The following NEDD4L variants were observed in gnomAD, a reference collection of about 807,000 sequenced individuals.
NEDD4L encodes the protein E3 ubiquitin-protein ligase NEDD4-like.
NEDD4L carries 54 observed loss-of-function variants against 148.9 expected under a neutral mutation model. The ratio of observed to expected loss-of-function variants is 0.36; its 90% confidence interval spans 0.29 to 0.45. The LOEUF (loss-of-function observed/expected upper bound fraction) is 0.45, where lower values mean the gene tolerates loss of function less well. Among genes scored for constraint, NEDD4L ranks in the 20% least tolerant of loss-of-function variants. The probability of loss-of-function intolerance (pLI) is 1.00; values close to 1 mark genes in which losing one functional copy is unlikely to be tolerated. For missense variants in NEDD4L, 856 were observed against 1,233.8 expected (o/e 0.69, Z 4.59); for synonymous variants, 433 against 440.7 (o/e 0.98, Z 0.22).
intron 1 of NEDD4L, among the ~76,000 whole-genome samples, chr18:58,127,952 C>T (rs1359194499): frequency 6.6e-6 from 1 of 152,292 alleles, no homozygotes; most frequent in South Asian, 2.1e-4. Flanking sequence ...CTGCAAACCC[C>T]ACCTCCCAGT....
rs1488988676 is a variant in NEDD4L, at chr18:58,400,534, A to C, written c.*4265A>C. 2 of 152,206 alleles carry C rather than the reference A, an allele frequency of 1.3e-5. No homozygotes were observed. The highest frequency in any genetic ancestry group is 4.8e-5 in the African/African-American group (2 of 41,444). 9.4% of individuals were successfully genotyped at this position (152,206 alleles called of 1,614,324 possible). A position where few individuals can be genotyped will look rare whatever the true frequency, so the allele number is the denominator to read the frequency against. On this transcript the variant is annotated 3_prime_UTR_variant, in exon 31 of 31. Transcript: ENST00000400345. ...GAGCTTGGAGAACGTTTTCTAGAAA[A>C]GGGTTAGCTTCCTGTTGGCATGAAA... is the stretch of plus-strand genomic sequence containing the variant.
chr18:58,234,125 C>T (rs978703319), intron 2 of NEDD4L, among the ~76,000 whole-genome samples: 8 of 105,196 alleles, frequency 7.6e-5, no homozygotes, highest in Admixed American at 1.9e-4. Flanking sequence ...TCTTTTCCTT[C>T]TTTTTTTCTT....
At chr18:58,296,168 T>TG (rs2055542068) in intron 5 of NEDD4L, among the ~76,000 whole-genome samples, 1 of 152,174 alleles carries the variant, frequency 6.6e-6, no homozygotes. Context: ...TTTATTTTGG[T>TG]GGTACCCTGA....
Position 58,263,557 on chromosome 18 carries a change from G to A in NEDD4L, c.297+11503G>A, listed in dbSNP as rs540235489. Among the ~76,000 whole-genome samples, 38 of 151,790 alleles carry A rather than the reference G, an allele frequency of 2.5e-4. No individual in the cohort carries two copies. In the South Asian group the frequency reaches 7.9e-3, roughly 32 times the overall value. ...TTTCTCTTTCTTCTATTGGTCATTC[G>A]AGAGCTGGTAGACTTTTAAAATACA... On this transcript the variant is annotated intron_variant, in intron 5 of 30. Transcript: ENST00000400345.
At chr18:58,181,033 C>T (rs2038808825) in intron 2 of NEDD4L, among the ~76,000 whole-genome samples, 1 of 152,184 alleles carries the variant, frequency 6.6e-6, no homozygotes, top group Non-Finnish European at 1.5e-5. Flanking sequence ...CAGAGGACAT[C>T]GTTAATTCAC....
At chr18:58,057,001 C>T (rs1238231808) in intron 1 of NEDD4L, among the ~76,000 whole-genome samples, 1 of 151,124 alleles carries the variant, frequency 6.6e-6, no homozygotes, top group Non-Finnish European at 1.5e-5. Context: ...CCCACAGAGG[C>T]TGAGATCTGT....
intron 4 of NEDD4L, among the ~76,000 whole-genome samples, 175 bp from the exon 5 acceptor site, chr18:58,251,826 A>T (rs2047976313): frequency 6.6e-6 from 1 of 152,242 alleles, no homozygotes; most frequent in Admixed American, 6.5e-5. Flanking sequence ...TATAGAAATC[A>T]GTAATAGGAA....
At chr18:58,149,467 A>G in intron 1 of NEDD4L, 1 of 1,549,238 alleles carries the variant, frequency 6.5e-7, no homozygotes, top group Non-Finnish European at 8.7e-7. Context: ...ACTCTTCAGA[A>G]CTTGCTCTGC....
chr18:58,130,019 T>G (rs1291221839), intron 1 of NEDD4L, among the ~76,000 whole-genome samples: 1 of 143,490 alleles, frequency 7.0e-6, no homozygotes, highest in Admixed American at 7.1e-5. Flanking sequence ...TTTGGTTGAC[T>G]GTGATCTAGT....
chr18:58,349,184 C>T (rs540124500), intron 16 of NEDD4L, among the ~76,000 whole-genome samples: 8 of 152,236 alleles, frequency 5.3e-5, no homozygotes, highest in African/African-American at 1.9e-4. Flanking sequence ...ACCGTTGTCC[C>T]CACTCCCTCT....
chr18:58,135,699 A>G (rs1672531732), intron 1 of NEDD4L, among the ~76,000 whole-genome samples: 1 of 152,168 alleles, frequency 6.6e-6, no homozygotes, highest in Non-Finnish European at 1.5e-5. Context: ...CACATTTGCA[A>G]AGTTTTCTTC....
chr18:58,135,830 TGGAAGTGTGTCTCCTGCA>T (rs945739233), intron 1 of NEDD4L, among the ~76,000 whole-genome samples: 1 of 152,192 alleles, frequency 6.6e-6, no homozygotes, highest in African/African-American at 2.4e-5. Flanking sequence ...ATGGAAAGAA[TGGAAGTGTGTCTCCTGCA>T]GGGAGAGCCC....
chr18:58,303,850 GA>G (rs2056772698), intron 5 of NEDD4L, among the ~76,000 whole-genome samples: 2 of 152,166 alleles, frequency 1.3e-5, no homozygotes, highest in Non-Finnish European at 2.9e-5. Context: ...TCTGGTTACA[GA>G]AACTTACATT....
At chr18:58,299,291 G>A (rs2056134417) in intron 5 of NEDD4L, among the ~76,000 whole-genome samples, 1 of 152,214 alleles carries the variant, frequency 6.6e-6, no homozygotes, top group African/African-American at 2.4e-5. Context: ...CCTGTCTACA[G>A]TTCCCTTAGC....
At chr18:58,223,881 A>G (rs914778937) in intron 2 of NEDD4L, among the ~76,000 whole-genome samples, 1 of 152,050 alleles carries the variant, frequency 6.6e-6, no homozygotes, top group Non-Finnish European at 1.5e-5. Context: ...CCCAAGGGTC[A>G]CTCGACACAC....
At chr18:58,137,544 C>T (rs1345747896) in intron 1 of NEDD4L, among the ~76,000 whole-genome samples, 1 of 152,136 alleles carries the variant, frequency 6.6e-6, no homozygotes, top group Non-Finnish European at 1.5e-5. Context: ...GGAAAAGTCG[C>T]CGAGCCCAGA....
At chr18:58,284,567 A>C (rs898222411) in intron 5 of NEDD4L, among the ~76,000 whole-genome samples, 2 of 124,814 alleles carry the variant, frequency 1.6e-5, no homozygotes, top group Non-Finnish European at 3.4e-5. Context: ...GAGTTATACG[A>C]ATAGAAGTAA....
intron 18 of NEDD4L, among the ~76,000 whole-genome samples, chr18:58,352,409 C>T (rs2095570551): frequency 6.6e-6 from 1 of 152,104 alleles, no homozygotes; most frequent in South Asian, 2.1e-4. Flanking sequence ...AATCCCAGCA[C>T]TTTGGGAGGC....
intron 22 of NEDD4L, among the ~76,000 whole-genome samples, chr18:58,370,126 C>T (rs1207077554): frequency 2.0e-5 from 3 of 152,122 alleles, no homozygotes; most frequent in Non-Finnish European, 4.4e-5. Context: ...ATTTGCACTG[C>T]GGACTCTGCT....
Sources: allele counts gnomAD v4.1 joint callset (sites outside exome capture counted in the v4.1 genomes callset), GRCh38; gene constraint gnomAD v4.1.1; transcripts MANE v1.5; gene names NCBI Gene and HGNC (gene_info 2026-07-23, HGNC 2026-07-21).